Variants in SRSF1 observed in about 807,000 individuals in gnomAD.
The protein encoded by SRSF1 is serine/arginine-rich splicing factor 1.
A neutral mutation model predicts 25.9 loss-of-function variants in SRSF1; 1 was observed. That is an observed-to-expected ratio of 0.04 (90% CI 0.01 to 0.18). The LOEUF is 0.18. Among genes scored for constraint, SRSF1 ranks in the 10% least tolerant of loss-of-function variants. SRSF1 has a pLI of 1.00. For missense variants in SRSF1, 65 were observed against 350.5 expected, an observed-to-expected ratio of 0.19 and a Z score of 6.50; for synonymous variants, 132 against 126.2, an observed-to-expected ratio of 1.05 and a Z score of -0.31.
rs145207777 is a variant in SRSF1, at chr17:58,001,062, G to C, written c.*4344C>G. 6.6e-6 allele frequency among the ~76,000 whole-genome samples: 1 copy of C among 152,128 alleles called. No homozygotes were observed. Among genetic ancestry groups the C allele is most frequent in the Non-Finnish European group, 1.5e-5 (1 of 67,998 alleles). On this transcript the variant is annotated 3_prime_UTR_variant, in exon 4 of 4. Coordinates refer to ENST00000258962, the MANE Select transcript of SRSF1 (RefSeq NM_006924.5). ...ATACTGTGATGGAAATAATGGTTAT[G>C]TTACAACAGAACTTCAGTCTAACAG...
chr17:57,998,096 A>G (rs943772792), downstream of SRSF1, among the ~76,000 whole-genome samples: 4 of 151,284 alleles, frequency 2.6e-5, no homozygotes, highest in Non-Finnish European at 5.9e-5. Context: ...GGCACCTGTA[A>G]TACCAGCTAC....
Position 58,005,052 on chromosome 17 carries a change from A to T in SRSF1, c.*354T>A, listed in dbSNP as rs942148294. 1 of 452,094 alleles carries T rather than the reference A, an allele frequency of 2.2e-6. No individual in the cohort carries two copies. The highest frequency in any genetic ancestry group is 2.0e-5 in the African/African-American group (1 of 49,884). 28.0% of individuals were successfully genotyped at this position (452,094 alleles called of 1,614,324 possible). A position where few individuals can be genotyped will look rare whatever the true frequency, so the allele number is the denominator to read the frequency against. On this transcript the variant is annotated 3_prime_UTR_variant, in exon 4 of 4. Transcript: ENST00000258962. The surrounding 1 kb of genome is among the most constrained non-coding windows in gnomAD (Gnocchi z 5.2). ...TCTCTTCAGATATGTCTACAGAAAG[A>T]CACATGAAAAGCAAGATAAACATAA... is the stretch of plus-strand genomic sequence containing the variant.
rs1478524405 is a variant in SRSF1 at position 58,002,998 on chromosome 17, C to T, written c.*2408G>A. ...CTGCCCTCCAGTCTGGAGAACAGAG[C>T]GAGACTCTGTCTCAAAAACAAAAAA... is the stretch of plus-strand genomic sequence containing the variant. On this transcript the variant is annotated 3_prime_UTR_variant, in exon 4 of 4. Transcript: ENST00000258962. Among the ~76,000 whole-genome samples the T allele has an allele frequency of 5.9e-5, 9 of 152,114 alleles. No homozygotes were observed. The highest frequency in any genetic ancestry group is 1.2e-4 in the Non-Finnish European group (8 of 68,014).
the SRSF1 span, chr17:57,991,186 A>C: frequency 6.6e-6 from 1 of 152,322 alleles, no homozygotes; most frequent in Admixed American, 6.5e-5. Flanking sequence ...AGGGCTAATG[A>C]CACATAACAA....
the SRSF1 span, chr17:57,994,594 C>T: frequency 6.6e-6 from 1 of 152,092 alleles, no homozygotes; most frequent in Non-Finnish European, 1.5e-5. Flanking sequence ...TGGTAAACAC[C>T]CAGTACTCGA....
At chr17:57,996,229 A>G (rs958514324), downstream of SRSF1, among the ~76,000 whole-genome samples, 1 of 152,170 alleles carries the variant, frequency 6.6e-6, no homozygotes, top group Non-Finnish European at 1.5e-5. Flanking sequence ...TTATGCCTGT[A>G]ATCCCAGCAC....
At chr17:57,989,720 G>T in the SRSF1 span, 1 of 398,702 alleles carries the variant, frequency 2.5e-6, no homozygotes. Context: ...ACTGCCTGGA[G>T]GCCTTGGGGA....
At position 58,003,054 on chromosome 17, in the gene SRSF1, A is replaced by G. The variant is rs1305415653; in HGVS notation, c.*2352T>C. 1.3e-5 allele frequency among the ~76,000 whole-genome samples: 2 copies of G among 152,242 alleles called. No homozygotes were observed. Among genetic ancestry groups the G allele is most frequent in the African/African-American group, 4.8e-5 (2 of 41,460 alleles). On this transcript the variant is annotated 3_prime_UTR_variant, in exon 4 of 4. Coordinates refer to ENST00000258962, the MANE Select transcript of SRSF1 (RefSeq NM_006924.5). ...CTAATACATCTGTGCTGATGTTAAC[A>G]TTTAATACTTACCTTTTTTTGAGAT...
the SRSF1 span, among the ~76,000 whole-genome samples, chr17:57,995,444 C>T: frequency 6.6e-6 from 1 of 152,180 alleles, no homozygotes; most frequent in African/African-American, 2.4e-5. Flanking sequence ...GCCAGGGCTT[C>T]TCTGAGAGAG....
At chr17:57,997,522 G>C (rs1567745946), downstream of SRSF1, among the ~76,000 whole-genome samples, 2 of 152,168 alleles carry the variant, frequency 1.3e-5, no homozygotes, top group African/African-American at 4.8e-5. Context: ...AAATCAACCA[G>C]GGTAGGGGAA....
rs1305081839 is a variant in SRSF1 at position 58,004,934 on chromosome 17, T to A, written c.*472A>T. 7.4e-6 allele frequency: 3 copies of A among 404,282 alleles called. No individual in the cohort carries two copies. Among genetic ancestry groups the A allele is most frequent in the Non-Finnish European group, 1.3e-5 (3 of 229,068 alleles). 25.0% of individuals were successfully genotyped at this position (404,282 alleles called of 1,614,324 possible). ...ACTTGGAGTCATACCATTGCCTCCA[T>A]TATTGATCTGATCCTCCTCAATCCT... is the stretch of plus-strand genomic sequence containing the variant. On this transcript the variant is annotated 3_prime_UTR_variant, in exon 4 of 4. Coordinates refer to ENST00000258962, the MANE Select transcript of SRSF1 (RefSeq NM_006924.5).
chr17:57,991,711 A>G, the SRSF1 span: 1 of 151,794 alleles, frequency 6.6e-6, no homozygotes, highest in African/African-American at 2.4e-5. Context: ...CACTGCCTGA[A>G]CTGGATAAGC....
intron 1 of SRSF1, 143 bp from the exon 2 acceptor site, chr17:58,006,670 AC>A: frequency 9.7e-7 from 1 of 1,025,766 alleles, no homozygotes; most frequent in Non-Finnish European, 1.4e-6. Flanking sequence ...CCCCTCCCCC[AC>A]CCAGAAACAC....
downstream of SRSF1, among the ~76,000 whole-genome samples, chr17:57,995,968 C>G (rs564415538): frequency 1.3e-5 from 2 of 152,244 alleles, no homozygotes; most frequent in East Asian, 3.9e-4. Flanking sequence ...GAGCAAGACC[C>G]TGTCTCTACA....
chr17:58,007,108 G>A lies in SRSF1; in HGVS notation c.30C>T (p.Pro10=), dbSNP rs1262687856. 3.7e-6 allele frequency: 6 copies of A among 1,614,058 alleles called. No individual in the cohort carries two copies. The highest frequency in any genetic ancestry group is 3.3e-5 in the South Asian group (3 of 91,094). The change falls in exon 1 of 4, where the codon CCC becomes CCT. Residue 10 remains proline, a synonymous_variant. Coordinates refer to ENST00000258962, the MANE Select transcript of SRSF1 (RefSeq NM_006924.5). The part of the protein sequence containing the change: MSGGGVIRG[P]AGNNDCRIYV... ...AGATGCGGCAATCGTTGTTCCCTGCGGGGCCACGAATCACACCACCTCCCG... is the reference window on the plus strand; with the variant it reads ...AGATGCGGCAATCGTTGTTCCCTGCAGGGCCACGAATCACACCACCTCCCG...
At chr17:57,996,600 T>C (rs1348060282), downstream of SRSF1, among the ~76,000 whole-genome samples, 1 of 150,494 alleles carries the variant, frequency 6.6e-6, no homozygotes, top group Non-Finnish European at 1.5e-5. Context: ...CCTGCACATA[T>C]AGCACTTTTT....
chr17:57,997,037 C>T (rs946777957), downstream of SRSF1, among the ~76,000 whole-genome samples: 1 of 152,176 alleles, frequency 6.6e-6, no homozygotes, highest in African/African-American at 2.4e-5. Context: ...CTTAAAGCTT[C>T]CTCTGTAAGA....
In SRSF1 at chr17:58,004,929, C is replaced by CTCCAT; in HGVS notation, c.*472_*476dup. On this transcript the variant is annotated 3_prime_UTR_variant, in exon 4 of 4. Transcript: ENST00000258962. ...ATAGCACTTGGAGTCATACCATTGC[C>CTCCAT]TCCATTATTGATCTGATCCTCCTCA... 1 of 403,170 alleles carries CTCCAT rather than the reference C, an allele frequency of 2.5e-6. No homozygotes were observed. The highest frequency in any genetic ancestry group is 4.4e-6 in the Non-Finnish European group (1 of 228,542). The allele number at this position is 403,170 out of a possible 1,614,324, so 25.0% of individuals were successfully genotyped here.
chr17:58,006,740 G>C (rs1457177296), intron 1 of SRSF1: 1 of 878,672 alleles, frequency 1.1e-6, no homozygotes, highest in East Asian at 2.7e-5. Context: ...TCCAGCCTGC[G>C]AATGGGCTCC....
Sources: gnomAD v4.1 joint callset for allele counts (sites outside exome capture counted in the v4.1 genomes callset) on GRCh38, gnomAD v4.1.1 for gene constraint, Gnocchi (gnomAD v3.1) non-coding constraint, MANE v1.5 for transcripts, NCBI Gene and HGNC (gene_info 2026-07-23, HGNC 2026-07-21) for gene names.